Variants in HROB observed in about 807,000 individuals in gnomAD.
HROB encodes the protein homologous recombination factor with OB-fold, also known as homologous recombination OB-fold protein.
A neutral mutation model predicts 61.0 loss-of-function variants in HROB; 44 were observed. That is an observed-to-expected ratio of 0.72 (90% CI 0.57 to 0.93). HROB has a LOEUF of 0.93. Among genes scored for constraint, HROB ranks in the 40% least tolerant of loss-of-function variants. The probability of loss-of-function intolerance (pLI) is 0.00; values close to 1 mark genes in which losing one functional copy is unlikely to be tolerated. For synonymous variants in HROB, 301 were observed against 310.4 expected, an observed-to-expected ratio of 0.97 and a Z score of 0.32; for missense variants, 716 against 796.2, an observed-to-expected ratio of 0.90 and a Z score of 1.21.
intron 9 of HROB, among the ~76,000 whole-genome samples, 193 bp from the exon 10 acceptor site, chr17:44,161,678 A>C (rs2054145246): frequency 6.6e-6 from 1 of 152,194 alleles, no homozygotes; most frequent in Non-Finnish European, 1.5e-5. Flanking sequence ...ATGTACGGGT[A>C]CAAGGGGAGC....
At chr17:44,156,462 G>A (rs536510315) in intron 8 of HROB, among the ~76,000 whole-genome samples, 3 of 152,034 alleles carry the variant, frequency 2.0e-5, no homozygotes, top group Non-Finnish European at 2.9e-5. Context: ...GACCTCAGGT[G>A]ATTGGCCTGC....
chr17:44,153,740 G>A (rs1332508653), intron 5 of HROB, among the ~76,000 whole-genome samples: 3 of 151,706 alleles, frequency 2.0e-5, no homozygotes, highest in East Asian at 2.0e-4. Context: ...GTGAAACTCC[G>A]ACTCAAGAAA....
intron 9 of HROB, 68 bp downstream of exon 9, chr17:44,158,009 T>C (rs1047479314): frequency 8.1e-6 from 9 of 1,112,648 alleles, no homozygotes; most frequent in Non-Finnish European, 1.2e-5. Flanking sequence ...AACCAGAATC[T>C]TCCTGGCTAT....
In HROB at chr17:44,161,900, CCTGAAGACTTCTT is replaced by C. The variant is rs1446678020; in HGVS notation, c.1913_1925del (p.Glu638ValfsTer16). 6.2e-6 allele frequency: 10 copies of C among 1,614,116 alleles called. No homozygotes were observed. Among genetic ancestry groups the C allele is most frequent in the Non-Finnish European group, 8.5e-6 (10 of 1,180,040 alleles). The stretch of plus-strand genomic sequence containing the variant: ...CCTGGATGGACTCCTGAGTGAGCTT[CCTGAAGACTTCTT>C]CTGTGGGACCAGTAGTTGAGACTGC... On this transcript the variant is annotated frameshift_variant, in exon 10 of 10. Coordinates refer to ENST00000585683, the MANE Select transcript of HROB (RefSeq NM_001171251.3). LOFTEE classifies it high-confidence loss of function.
At chr17:44,142,206 C>T in intron 1 of HROB, 61 bp downstream of exon 1, 1 of 1,439,172 alleles carries the variant, frequency 6.9e-7, no homozygotes, top group Non-Finnish European at 9.1e-7. Context: ...TCCGGAACTG[C>T]TCATGGGGTT....
At chr17:44,145,140 G>A (rs1291216855) in intron 1 of HROB, 63 bp from the exon 2 acceptor site, 2 of 1,563,998 alleles carry the variant, frequency 1.3e-6, no homozygotes, top group African/African-American at 1.4e-5. Flanking sequence ...AAGAAGCAGA[G>A]TGAGGACAGA....
chr17:44,151,111 G>C, intron 4 of HROB, 67 bp downstream of exon 4: 1 of 1,471,854 alleles, frequency 6.8e-7, no homozygotes. Flanking sequence ...GTGTGTTTCA[G>C]GAGTTAAGAA....
intron 9 of HROB, among the ~76,000 whole-genome samples, chr17:44,160,816 G>A (rs183861527): frequency 6.6e-6 from 1 of 152,284 alleles, no homozygotes; most frequent in East Asian, 1.9e-4. Flanking sequence ...CTGGAATCTT[G>A]CATTGCCTGG....
At chr17:44,154,151 G>A (rs531052539) in intron 5 of HROB, among the ~76,000 whole-genome samples, 2 of 152,230 alleles carry the variant, frequency 1.3e-5, no homozygotes, top group South Asian at 2.1e-4. Context: ...AGACAAGCCT[G>A]GCCAACATGG....
intron 4 of HROB, 39 bp downstream of exon 4, chr17:44,151,083 A>G (rs752196345): frequency 1.3e-6 from 2 of 1,550,764 alleles, no homozygotes; most frequent in Non-Finnish European, 1.8e-6. Context: ...GTGTGATTTG[A>G]GAGTGAGGGG....
At position 44,150,954 on chromosome 17, in the gene HROB, C is replaced by G. The variant is rs1598095621; in HGVS notation, c.1225-7C>G. 1.9e-6 allele frequency: 3 copies of G among 1,606,534 alleles called. No homozygotes were observed. The highest frequency in any genetic ancestry group is 2.2e-5 in the East Asian group (1 of 44,860). ...TGCTCTCATCTTCTCCTTCCCTCCCCTCTTAGCAGAGTGGGAGAAGTCTGG... is the reference window on the plus strand; with the variant it reads ...TGCTCTCATCTTCTCCTTCCCTCCCGTCTTAGCAGAGTGGGAGAAGTCTGG... On this transcript the variant is annotated splice_region_variant and splice_polypyrimidine_tract_variant and intron_variant, in intron 3 of 9. Coordinates refer to ENST00000585683, the MANE Select transcript of HROB (RefSeq NM_001171251.3).
intron 2 of HROB, among the ~76,000 whole-genome samples, chr17:44,146,687 C>G (rs570066455): frequency 6.6e-6 from 1 of 152,140 alleles, no homozygotes; most frequent in East Asian, 1.9e-4. Context: ...TGCTATAGTT[C>G]TGGTTATTAT....
In HROB at chr17:44,155,355, T is replaced by C; in HGVS notation, c.1714T>C (p.Tyr572His). The C allele has an allele frequency of 6.2e-7, 1 of 1,614,146 alleles. No individual in the cohort carries two copies. The highest frequency in any genetic ancestry group is 8.5e-7 in the Non-Finnish European group (1 of 1,180,018). ...NVTPNNLVHIYSPDSGDGSFL... is the reference protein window; with the variant it reads ...NVTPNNLVHIHSPDSGDGSFL... ...GACACCCAACAACCTGGTCCATATT[T>C]ACAGCCCGGATTCTGGGGATGGGAG... The change falls in exon 8 of 10, where the codon TAC becomes CAC. Residue 572 changes from tyrosine to histidine, a missense_variant. Tyr to His is a moderately conservative substitution (Grantham distance 83). Coordinates refer to ENST00000585683, the MANE Select transcript of HROB (RefSeq NM_001171251.3).
At position 44,161,977 on chromosome 17, in the gene HROB, G is replaced by A; in HGVS notation, c.*45G>A. ...AACCCACCATGAGCAGGCAGCTCTG[G>A]GCATGTGTCTGGTCACATCCAAGGG... is the stretch of plus-strand genomic sequence containing the variant. On this transcript the variant is annotated 3_prime_UTR_variant, in exon 10 of 10. Transcript: ENST00000585683. 2 of 1,582,094 alleles carry A rather than the reference G, an allele frequency of 1.3e-6. No individual in the cohort carries two copies. The highest frequency in any genetic ancestry group is 2.2e-5 in the South Asian group (2 of 90,362).
chr17:44,144,243 G>A (rs765275278), intron 1 of HROB, among the ~76,000 whole-genome samples: 19 of 151,876 alleles, frequency 1.3e-4, no homozygotes, highest in African/African-American at 2.9e-4. Context: ...CAGTTCAAGC[G>A]ATTCTCCTGC....
chr17:44,151,836 G>T (rs113615323), intron 4 of HROB, among the ~76,000 whole-genome samples: 5 of 148,078 alleles, frequency 3.4e-5, no homozygotes, highest in Admixed American at 2.7e-4. Flanking sequence ...GTTATTTTAT[G>T]TTATTTTATT....
At chr17:44,147,791 G>C in intron 2 of HROB, 67 bp from the exon 3 acceptor site, 1 of 1,446,258 alleles carries the variant, frequency 6.9e-7, no homozygotes, top group Non-Finnish European at 9.5e-7. Flanking sequence ...CCATGTGCCT[G>C]AACAGTAAAA....
chr17:44,149,103 A>G (rs2053717892), intron 3 of HROB, 76 bp downstream of exon 3: 1 of 1,383,494 alleles, frequency 7.2e-7, no homozygotes, highest in Non-Finnish European at 9.8e-7. Flanking sequence ...GCCCTAGCAT[A>G]TCTTCCCTCT....
At chr17:44,147,028 A>AGTGTGT (rs143062329) in intron 2 of HROB, among the ~76,000 whole-genome samples, 14 of 148,076 alleles carry the variant, frequency 9.5e-5, no homozygotes, top group East Asian at 8.0e-4. Context: ...ATCTCTGTGT[A>AGTGTGT]GTGTGTGTGT....
Sources: allele counts gnomAD v4.1 joint callset (sites outside exome capture counted in the v4.1 genomes callset), GRCh38; gene constraint gnomAD v4.1.1; transcripts MANE v1.5; gene names NCBI Gene and HGNC (gene_info 2026-07-23, HGNC 2026-07-21).